Variants in CACNA2D3 observed in about 807,000 individuals in gnomAD.
The protein encoded by CACNA2D3 is voltage-dependent calcium channel subunit alpha-2/delta-3.
In CACNA2D3, 60 loss-of-function variants were observed where a neutral mutation model predicts 160.6. The observed-to-expected ratio is 0.37, with a 90% confidence interval of 0.30 to 0.46. CACNA2D3 has a LOEUF of 0.46. Ranked by LOEUF, CACNA2D3 falls within the 20% of genes least tolerant of loss-of-function variation. The pLI, the probability that CACNA2D3 is intolerant of heterozygous loss-of-function variation, is 1.00. For missense variants in CACNA2D3, 1,205 were observed against 1,365.0 expected (o/e 0.88, Z 1.85); for synonymous variants, 558 against 492.9 (o/e 1.13, Z -1.75).
Position 54,167,328 on chromosome 3 carries a change from A to G in CACNA2D3, c.204+43734A>G, listed in dbSNP as rs556134065. Reference sequence around the variant, plus strand: ...ATGATTTTGCTAGCTCTGCAAAGGCACTGATTGGACCTGATACCCTCCAAC... The same window carrying G: ...ATGATTTTGCTAGCTCTGCAAAGGCGCTGATTGGACCTGATACCCTCCAAC... On this transcript the variant is annotated intron_variant, in intron 2 of 37. Coordinates refer to ENST00000474759, the MANE Select transcript of CACNA2D3 (RefSeq NM_018398.3). Among the ~76,000 whole-genome samples the G allele has an allele frequency of 3.7e-4, 56 of 152,186 alleles. 2 individuals carry two copies. Among genetic ancestry groups the G allele is most frequent in the Non-Finnish European group, 7.3e-5 (5 of 68,034 alleles).
At chr3:54,235,944 C>T (rs1701865571) in intron 2 of CACNA2D3, among the ~76,000 whole-genome samples, 1 of 152,160 alleles carries the variant, frequency 6.6e-6, no homozygotes, top group South Asian at 2.1e-4. Context: ...GCCACCACCT[C>T]AGCCAGGTGA....
intron 2 of CACNA2D3, among the ~76,000 whole-genome samples, chr3:54,305,283 C>A (rs1559916392): frequency 6.6e-6 from 1 of 152,160 alleles, no homozygotes; most frequent in African/African-American, 2.4e-5. Flanking sequence ...ATTTTAATAA[C>A]CTAGTGGTAC....
intron 11 of CACNA2D3, among the ~76,000 whole-genome samples, chr3:54,660,771 C>T (rs776904959): frequency 1.3e-5 from 2 of 152,336 alleles, no homozygotes; most frequent in East Asian, 1.9e-4. Context: ...TCAGACCCTT[C>T]TCTCGGCCCA....
At chr3:54,577,504 TC>T (rs1443934800) in intron 8 of CACNA2D3, among the ~76,000 whole-genome samples, 1 of 152,192 alleles carries the variant, frequency 6.6e-6, no homozygotes, top group Non-Finnish European at 1.5e-5. Flanking sequence ...ATGCCCCTGT[TC>T]CAAAGAGTGA....
chr3:54,485,980 C>T (rs989030443), intron 4 of CACNA2D3, among the ~76,000 whole-genome samples: 3 of 152,274 alleles, frequency 2.0e-5, no homozygotes, highest in East Asian at 1.9e-4. Context: ...CTGTCCCTGC[C>T]CCCTGCATTC....
intron 27 of CACNA2D3, among the ~76,000 whole-genome samples, chr3:54,933,063 TC>T (rs1701238210): frequency 1.9e-4 from 3 of 15,636 alleles, no homozygotes; most frequent in African/African-American, 2.4e-4. Flanking sequence ...CTTCCTTCCT[TC>T]CTTCCTTCCT....
chr3:54,881,296 C>T (rs2106842707), intron 21 of CACNA2D3, among the ~76,000 whole-genome samples: 1 of 152,200 alleles, frequency 6.6e-6, no homozygotes, highest in Admixed American at 6.5e-5. Context: ...ATATGAGAGC[C>T]TTAGTCTCTC....
intron 5 of CACNA2D3, among the ~76,000 whole-genome samples, chr3:54,530,663 C>T (rs1701791933): frequency 6.6e-6 from 1 of 152,190 alleles, no homozygotes; most frequent in South Asian, 2.1e-4. Context: ...GTTCTCACAG[C>T]AGCCCTCTGA....
At chr3:54,669,685 G>C (rs184516319) in intron 11 of CACNA2D3, among the ~76,000 whole-genome samples, 1 of 152,214 alleles carries the variant, frequency 6.6e-6, no homozygotes, top group East Asian at 1.9e-4. Flanking sequence ...TACTGCATTA[G>C]AGAAAGTATC....
intron 9 of CACNA2D3, among the ~76,000 whole-genome samples, chr3:54,610,291 A>C (rs1263722144): frequency 2.0e-5 from 3 of 152,216 alleles, no homozygotes; most frequent in Non-Finnish European, 4.4e-5. Flanking sequence ...ATACCTGCCA[A>C]GTACTTTGCA....
At chr3:54,248,481 CAAAAAAAAAA>C (rs577393882) in intron 2 of CACNA2D3, among the ~76,000 whole-genome samples, 1 of 44,428 alleles carries the variant, frequency 2.3e-5, no homozygotes, top group Non-Finnish European at 4.9e-5. Context: ...AACTCCATCT[CAAAAAAAAAA>C]AAAAAAGAAA....
intron 29 of CACNA2D3, among the ~76,000 whole-genome samples, chr3:54,978,914 T>A (rs1702447557): frequency 6.6e-6 from 1 of 152,260 alleles, no homozygotes. Context: ...GTTCTCTAGT[T>A]TCCCATTTTT....
intron 5 of CACNA2D3, among the ~76,000 whole-genome samples, chr3:54,521,956 T>C (rs1360164429): frequency 6.6e-6 from 1 of 152,218 alleles, no homozygotes; most frequent in East Asian, 1.9e-4. Flanking sequence ...GTAGTAAAAT[T>C]TGAAATCAGC....
chr3:54,752,514 C>A (rs918623138), intron 11 of CACNA2D3, 85 bp from the exon 12 acceptor site: 292 of 848,976 alleles, frequency 3.4e-4, no homozygotes, highest in Non-Finnish European at 5.4e-4. Flanking sequence ...AAGAGGTAAG[C>A]CACATGTGTG....
At chr3:54,240,116 A>G (rs1308073664) in intron 2 of CACNA2D3, among the ~76,000 whole-genome samples, 1 of 152,204 alleles carries the variant, frequency 6.6e-6, no homozygotes, top group Admixed American at 6.5e-5. Context: ...GGGTGGTCCA[A>G]AGTATTAAAG....
At chr3:54,969,140 G>T (rs1298174760) in intron 28 of CACNA2D3, among the ~76,000 whole-genome samples, 6 of 151,642 alleles carry the variant, frequency 4.0e-5, no homozygotes, top group Non-Finnish European at 8.8e-5. Context: ...ATGGACAGGG[G>T]TTTTTTAAAG....
intron 4 of CACNA2D3, among the ~76,000 whole-genome samples, chr3:54,493,105 T>G (rs1701141405): frequency 8.5e-6 from 1 of 118,142 alleles, no homozygotes; most frequent in Non-Finnish European, 1.6e-5. Flanking sequence ...GGAGACGGAG[T>G]CAGGCTCTGT....
intron 4 of CACNA2D3, among the ~76,000 whole-genome samples, chr3:54,398,272 A>C (rs967607285): frequency 8.1e-6 from 1 of 122,748 alleles, no homozygotes; most frequent in Non-Finnish European, 1.7e-5. Flanking sequence ...TCTTTATCCA[A>C]CTTCCCAGTC....
At chr3:54,702,080 CCTTT>C (rs1188467501) in intron 11 of CACNA2D3, among the ~76,000 whole-genome samples, 3 of 152,044 alleles carry the variant, frequency 2.0e-5, no homozygotes, top group Admixed American at 1.3e-4. Flanking sequence ...GAAACCAGGC[CCTTT>C]CTTTTCACCA....
Sources: gnomAD v4.1 joint callset for allele counts (sites outside exome capture counted in the v4.1 genomes callset) on GRCh38, gnomAD v4.1.1 for gene constraint, MANE v1.5 for transcripts, NCBI Gene and HGNC (gene_info 2026-07-23, HGNC 2026-07-21) for gene names.